The following TGFBR2 variants were observed in gnomAD, a reference collection of about 807,000 sequenced individuals.
TGFBR2 encodes the protein transforming growth factor beta receptor 2, also known as TGF-beta receptor type-2.
A neutral mutation model predicts 49.0 loss-of-function variants in TGFBR2; 18 were observed. That is an observed-to-expected ratio of 0.37 (90% CI 0.25 to 0.54). The LOEUF (loss-of-function observed/expected upper bound fraction) is 0.54. TGFBR2 is among the 20% of genes least tolerant of loss of function. TGFBR2 has a pLI of 0.85. For synonymous variants in TGFBR2, 282 were observed against 275.9 expected (o/e 1.02, Z -0.22); for missense variants, 525 against 722.6 (o/e 0.73, Z 3.13).
chr3:30,685,443 T>C (rs993541857), intron 5 of TGFBR2, among the ~76,000 whole-genome samples: 6 of 151,904 alleles, frequency 3.9e-5, no homozygotes, highest in Non-Finnish European at 5.9e-5. Flanking sequence ...AGAAGTGGAG[T>C]CTGACACACT....
rs188464383 is a variant in TGFBR2 at position 30,628,030 on chromosome 3, C to T, written c.95-16717C>T. On this transcript the variant is annotated intron_variant, in intron 1 of 6. Coordinates refer to ENST00000295754, the MANE Select transcript of TGFBR2 (RefSeq NM_003242.6). ...TAGGCTGTTTCTTTGTCCTGGAAACCAGATAGTCTAATGTTTGTGGAAATA... is the reference window on the plus strand; with the variant it reads ...TAGGCTGTTTCTTTGTCCTGGAAACTAGATAGTCTAATGTTTGTGGAAATA... Among the ~76,000 whole-genome samples the T allele has an allele frequency of 1.0e-3, 151 of 151,284 alleles. 1 individual carries two copies. Among genetic ancestry groups the T allele is most frequent in the Non-Finnish European group, 1.0e-4 (7 of 67,938 alleles).
At position 30,686,819 on chromosome 3, in the gene TGFBR2, C is replaced by T. The variant is rs190865064; in HGVS notation, c.1397-1565C>T. On this transcript the variant is annotated intron_variant, in intron 5 of 6. Coordinates refer to ENST00000295754, the MANE Select transcript of TGFBR2 (RefSeq NM_003242.6). The stretch of plus-strand genomic sequence containing the variant: ...TTAAGTGTCCTGTGCTCTGTTTACA[C>T]TATATTAATCTGCTCATTTAAATTG... 2.6e-3 allele frequency among the ~76,000 whole-genome samples: 403 copies of T among 152,298 alleles called. 14 individuals carry two copies. Among genetic ancestry groups the T allele is most frequent in the Admixed American group, 0.023 (356 of 15,290 alleles).
At chr3:30,633,249 G>T (rs558568757) in intron 1 of TGFBR2, among the ~76,000 whole-genome samples, 1 of 152,226 alleles carries the variant, frequency 6.6e-6, no homozygotes, top group South Asian at 2.1e-4. Flanking sequence ...AAATTGCATG[G>T]TGGTTGTGAT....
Position 30,672,729 on chromosome 3 carries a change from C to T in TGFBR2, c.1254+292C>T, listed in dbSNP as rs768058710. Reference sequence around the variant, plus strand: ...TCCAGCAAATGTTTTTTCTTTGTTTCAAGCACTGTTAGTACTTTACCTCTA... The same window carrying T: ...TCCAGCAAATGTTTTTTCTTTGTTTTAAGCACTGTTAGTACTTTACCTCTA... On this transcript the variant is annotated intron_variant, in intron 4 of 6. Transcript: ENST00000295754. The surrounding 1 kb of genome is among the most constrained non-coding windows in gnomAD (Gnocchi z 4.5). 4.6e-5 allele frequency among the ~76,000 whole-genome samples: 7 copies of T among 152,178 alleles called. No individual in the cohort carries two copies. The highest frequency in any genetic ancestry group is 8.8e-5 in the Non-Finnish European group (6 of 68,026).
At position 30,671,738 on chromosome 3, in the gene TGFBR2, C is replaced by T. The variant is rs201685723; in HGVS notation, c.555C>T (p.Ile185=). The stretch of plus-strand genomic sequence containing the variant: ...GAGTTGCCATATCTGTCATCATCAT[C>T]TTCTACTGCTACCGCGTTAACCGGC... ...PLGVAISVII[I]FYCYRVNRQQ... Residue 185 remains isoleucine, a synonymous_variant, in exon 4 of 7, where the codon ATC becomes ATT. Coordinates refer to ENST00000295754, the MANE Select transcript of TGFBR2 (RefSeq NM_003242.6). 1.9e-6 allele frequency: 3 copies of T among 1,614,198 alleles called. No individual in the cohort carries two copies. In the African/African-American group the frequency reaches 4.0e-5, roughly 22 times the overall value.
intron 2 of TGFBR2, among the ~76,000 whole-genome samples, chr3:30,649,023 G>A (rs1698828943): frequency 6.6e-6 from 1 of 152,118 alleles, no homozygotes; most frequent in Non-Finnish European, 1.5e-5. Flanking sequence ...GCTGTGAGCA[G>A]TGAGCCTTTG....
chr3:30,626,686 A>AC (rs1375840801), intron 1 of TGFBR2: 3 of 152,606 alleles, frequency 2.0e-5, no homozygotes, highest in African/African-American at 7.2e-5. Context: ...AGCATCAGAC[A>AC]CCAGGCATCC....
At chr3:30,655,287 T>C (rs1698974177) in intron 3 of TGFBR2, among the ~76,000 whole-genome samples, 1 of 152,192 alleles carries the variant, frequency 6.6e-6, no homozygotes, top group Non-Finnish European at 1.5e-5. Flanking sequence ...TGAAGTTTTG[T>C]AGTTGAGTGC....
At chr3:30,612,459 C>T (rs1698047368) in intron 1 of TGFBR2, among the ~76,000 whole-genome samples, 1 of 152,096 alleles carries the variant, frequency 6.6e-6, no homozygotes. Context: ...GGAAGCTTAC[C>T]ATCTAATGTC....
intron 1 of TGFBR2, among the ~76,000 whole-genome samples, chr3:30,624,480 G>A (rs896038545): frequency 4.6e-5 from 7 of 152,044 alleles, no homozygotes; most frequent in Non-Finnish European, 1.0e-4. Context: ...ACTGGGCGTG[G>A]TGGCACGTGC....
chr3:30,657,136 A>G (rs973953761), intron 3 of TGFBR2, among the ~76,000 whole-genome samples: 7 of 152,234 alleles, frequency 4.6e-5, no homozygotes, highest in Non-Finnish European at 7.3e-5. Flanking sequence ...CCGTAGGAGA[A>G]TCATAGAAGA....
chr3:30,622,133 A>T (rs1698241613), intron 1 of TGFBR2, among the ~76,000 whole-genome samples: 1 of 152,248 alleles, frequency 6.6e-6, no homozygotes, highest in South Asian at 2.1e-4. Flanking sequence ...GATTATGATC[A>T]GCACTTTAAT....
intron 5 of TGFBR2, among the ~76,000 whole-genome samples, chr3:30,680,000 C>T (rs866857806): frequency 2.6e-5 from 4 of 152,284 alleles, no homozygotes; most frequent in Middle Eastern, 3.4e-3. Flanking sequence ...GTGGCGGGTG[C>T]CTGTAATCGC....
intron 1 of TGFBR2, among the ~76,000 whole-genome samples, chr3:30,633,376 A>G (rs1202156610): frequency 1.3e-5 from 2 of 152,240 alleles, no homozygotes; most frequent in African/African-American, 4.8e-5. Flanking sequence ...TGATTTCTAA[A>G]GTAGATGTCC....
chr3:30,616,709 C>A (rs1272710311), intron 1 of TGFBR2, among the ~76,000 whole-genome samples: 1 of 152,054 alleles, frequency 6.6e-6, no homozygotes, highest in Non-Finnish European at 1.5e-5. Context: ...AGAAAACTAA[C>A]AAAAGTCATG....
intron 1 of TGFBR2, among the ~76,000 whole-genome samples, chr3:30,638,878 T>C (rs3863057): frequency 0.74 from 112,560 of 152,136 alleles, 42,535 homozygotes; most frequent in African/African-American, 0.91. Context: ...CTGCTGTTGC[T>C]AGCATCACAG....
chr3:30,637,869 G>A (rs949112001), intron 1 of TGFBR2, among the ~76,000 whole-genome samples: 6 of 152,136 alleles, frequency 3.9e-5, no homozygotes, highest in African/African-American at 1.2e-4. Flanking sequence ...AAAGTGCGAG[G>A]CAAAAGGCTA....
At chr3:30,626,599 A>G (rs1485175488) in intron 1 of TGFBR2, 1 of 152,632 alleles carries the variant, frequency 6.6e-6, no homozygotes, top group Non-Finnish European at 1.5e-5. Context: ...CACACCATAT[A>G]GAGGCAGTTC....
chr3:30,664,473 A>G (rs1250832910), intron 3 of TGFBR2, among the ~76,000 whole-genome samples: 2 of 152,216 alleles, frequency 1.3e-5, no homozygotes, highest in Non-Finnish European at 2.9e-5. Context: ...GTCTTGTTAC[A>G]TAAATATTTT....
Sources: gnomAD v4.1 joint callset for allele counts (sites outside exome capture counted in the v4.1 genomes callset) on GRCh38, gnomAD v4.1.1 for gene constraint, Gnocchi (gnomAD v3.1) non-coding constraint, MANE v1.5 for transcripts, NCBI Gene and HGNC (gene_info 2026-07-23, HGNC 2026-07-21) for gene names.